KCNV2: variants seen among roughly 807,000 people sequenced by gnomAD.
The protein encoded by KCNV2 is potassium voltage-gated channel modifier subfamily V member 2, also known as potassium voltage-gated channel subfamily V member 2.
A neutral mutation model predicts 37.0 loss-of-function variants in KCNV2; 65 were observed. That is an observed-to-expected ratio of 1.76 (90% CI 1.44 to 2.16). The LOEUF (loss-of-function observed/expected upper bound fraction) is 2.16, where lower values mean the gene tolerates loss of function less well. Ranked by LOEUF, KCNV2 falls within the 30% of genes most tolerant of loss-of-function variation. The probability of loss-of-function intolerance (pLI) is 0.00; values close to 1 mark genes in which losing one functional copy is unlikely to be tolerated. For missense variants in KCNV2, 1,232 were observed against 766.7 expected (o/e 1.61, Z -7.17); for synonymous variants, 518 against 328.6 (o/e 1.58, Z -6.23).
intron 1 of KCNV2, among the ~76,000 whole-genome samples, chr9:2,721,452 G>C (rs1346776269): frequency 2.0e-5 from 3 of 152,122 alleles, no homozygotes; most frequent in African/African-American, 7.2e-5. Context: ...ATTCTCAATA[G>C]AGCAAAGAGA....
At chr9:2,729,325 G>T in intron 1 of KCNV2, 121 bp from the exon 2 acceptor site, 5 of 1,078,152 alleles carry the variant, frequency 4.6e-6, no homozygotes, top group Admixed American at 1.8e-5. Context: ...GGCTCCGTGG[G>T]AAGCCATTAC....
intron 1 of KCNV2, among the ~76,000 whole-genome samples, chr9:2,720,688 C>T (rs558395238): frequency 6.6e-6 from 1 of 152,320 alleles, no homozygotes; most frequent in East Asian, 1.9e-4. Flanking sequence ...AATTTCTATT[C>T]ATCTAAACAT....
At chr9:2,728,065 G>T (rs1179467048) in intron 1 of KCNV2, among the ~76,000 whole-genome samples, 1 of 152,100 alleles carries the variant, frequency 6.6e-6, no homozygotes, top group East Asian at 1.9e-4. Context: ...TTTTTCGTGG[G>T]CTGGATGGAG....
intron 1 of KCNV2, among the ~76,000 whole-genome samples, chr9:2,727,509 C>T (rs905105141): frequency 2.5e-4 from 38 of 152,270 alleles, no homozygotes; most frequent in African/African-American, 9.1e-4. Flanking sequence ...CCTCACATCA[C>T]CCCTTGGTCC....
At position 2,718,711 on chromosome 9, in the gene KCNV2, G is replaced by C; in HGVS notation, c.972G>C (p.Thr324=). ...AGTACCTGCTGCGCCTAGCCTCCACGCCCGACCTGAGGCGCTTCGCGCGCA... is the reference window on the plus strand; with the variant it reads ...AGTACCTGCTGCGCCTAGCCTCCACCCCCGACCTGAGGCGCTTCGCGCGCA... ...TLEYLLRLAS[T]PDLRRFARSA... The change falls in exon 1 of 2, where the codon ACG becomes ACC. Residue 324 remains threonine (T), a synonymous_variant. Coordinates refer to ENST00000382082, the MANE Select transcript of KCNV2 (RefSeq NM_133497.4). 6.2e-7 allele frequency: 1 copy of C among 1,613,028 alleles called. No individual in the cohort carries two copies. The highest frequency in any genetic ancestry group is 8.5e-7 in the Non-Finnish European group (1 of 1,179,846).
Position 2,729,565 on chromosome 9 carries a change from C to A in KCNV2, c.1476C>A (p.Leu492=). 6.2e-7 allele frequency: 1 copy of A among 1,614,116 alleles called. No homozygotes were observed. The highest frequency in any genetic ancestry group is 8.5e-7 in the Non-Finnish European group (1 of 1,180,016). The change falls in exon 2 of 2, where the codon CTC becomes CTA. Residue 492 remains leucine (L), a synonymous_variant. Coordinates refer to ENST00000382082, the MANE Select transcript of KCNV2 (RefSeq NM_133497.4). ...IILNGMPISI[L]YNKFSDYYSK... ...TCAACGGGATGCCCATTTCCATCCT[C>A]TACAACAAGTTTTCTGATTACTACA... is the stretch of plus-strand genomic sequence containing the variant.
In KCNV2 at chr9:2,717,932, G is replaced by T; in HGVS notation, c.193G>T (p.Asp65Tyr). The T allele has an allele frequency of 6.2e-7, 1 of 1,614,052 alleles. No homozygotes were observed. Among genetic ancestry groups the T allele is most frequent in the Admixed American group, 1.7e-5 (1 of 60,018 alleles). ...GGAAGACGAAGACGGCGAGGAGGAGGACCAGTGGAAGGACGACCTGGCAGA... is the reference window on the plus strand; with the variant it reads ...GGAAGACGAAGACGGCGAGGAGGAGTACCAGTGGAAGGACGACCTGGCAGA... ...IEEDEDGEEE[D>Y]QWKDDLAEED... The change falls in exon 1 of 2, where the codon GAC (aspartate) becomes TAC (tyrosine). Residue 65 changes from aspartate to tyrosine, a missense_variant. Coordinates refer to ENST00000382082, the MANE Select transcript of KCNV2 (RefSeq NM_133497.4).
intron 1 of KCNV2, 59 bp downstream of exon 1, chr9:2,719,154 C>G: frequency 6.3e-7 from 1 of 1,581,200 alleles, no homozygotes; most frequent in Non-Finnish European, 8.6e-7. Flanking sequence ...AGCTGCTCCT[C>G]CCTCCCCTGG....
Position 2,717,759 on chromosome 9 carries a change from G to A in KCNV2, c.20G>A (p.Arg7Lys), listed in dbSNP as rs370186140. Residue 7 changes from arginine to lysine, a missense_variant, in exon 1 of 2, where the codon AGG (arginine) becomes AAG (lysine). Arg to Lys is a conservative substitution (Grantham distance 26). Transcript: ENST00000382082. MLKQSE[R>K]RRSWSYRPWN... Reference sequence around the variant, plus strand: ...GCAGCCATGCTCAAACAGAGTGAGAGGAGACGGTCCTGGAGCTACAGGCCC... The same window carrying A: ...GCAGCCATGCTCAAACAGAGTGAGAAGAGACGGTCCTGGAGCTACAGGCCC... The A allele has an allele frequency of 1.1e-5, 17 of 1,614,086 alleles. No individual in the cohort carries two copies. Among genetic ancestry groups the A allele is most frequent in the African/African-American group, 2.7e-5 (2 of 74,936 alleles).
At chr9:2,723,207 G>T (rs1486290320) in intron 1 of KCNV2, among the ~76,000 whole-genome samples, 1 of 152,122 alleles carries the variant, frequency 6.6e-6, no homozygotes, top group Admixed American at 6.5e-5. Context: ...ATGAGATAAA[G>T]AAAAATATAA....
intron 1 of KCNV2, among the ~76,000 whole-genome samples, chr9:2,721,561 C>A (rs1212498356): frequency 6.6e-6 from 1 of 152,134 alleles, no homozygotes; most frequent in Non-Finnish European, 1.5e-5. Context: ...TGTCATATAA[C>A]CCACAAAAAT....
At position 2,717,723 on chromosome 9, in the gene KCNV2, G is replaced by A. The variant is rs887044941; in HGVS notation, c.-17G>A. The A allele has an allele frequency of 5.0e-6, 8 of 1,614,152 alleles. No individual in the cohort carries two copies. Among genetic ancestry groups the A allele is most frequent in the Admixed American group, 3.3e-5 (2 of 60,014 alleles). On this transcript the variant is annotated 5_prime_UTR_variant, in exon 1 of 2. Coordinates refer to ENST00000382082, the MANE Select transcript of KCNV2 (RefSeq NM_133497.4). ...CACAGCCAGGAGGAAAAAGCTAGGC[G>A]TCCACTTTCCGCAGCCATGCTCAAA... is the stretch of plus-strand genomic sequence containing the variant.
chr9:2,720,209 C>A (rs898268079), intron 1 of KCNV2, among the ~76,000 whole-genome samples: 1 of 152,214 alleles, frequency 6.6e-6, no homozygotes, highest in African/African-American at 2.4e-5. Flanking sequence ...AACCCAAGGC[C>A]ACTGACAGTG....
In KCNV2 at chr9:2,717,961, G is replaced by C. The variant is rs139063852; in HGVS notation, c.222G>C (p.Glu74Asp). Residue 74 changes from glutamate to aspartate, a missense_variant, in exon 1 of 2, where the codon GAG becomes GAC. By Grantham distance (45) the Glu-to-Asp change is conservative (BLOSUM62 2). Coordinates refer to ENST00000382082, the MANE Select transcript of KCNV2 (RefSeq NM_133497.4). Reference sequence around the variant, plus strand: ...AGTGGAAGGACGACCTGGCAGAAGAGGACCAGCAGGCAGGGGAGGTCACCA... The same window carrying C: ...AGTGGAAGGACGACCTGGCAGAAGACGACCAGCAGGCAGGGGAGGTCACCA... The part of the protein sequence containing the change: ...EDQWKDDLAE[E>D]DQQAGEVTTA... The C allele has an allele frequency of 1.5e-5, 25 of 1,614,184 alleles. No individual in the cohort carries two copies. Among genetic ancestry groups the C allele is most frequent in the Non-Finnish European group, 1.9e-5 (22 of 1,180,038 alleles).
intron 1 of KCNV2, among the ~76,000 whole-genome samples, chr9:2,726,514 G>C (rs1467980266): frequency 6.6e-6 from 1 of 152,050 alleles, no homozygotes. Flanking sequence ...TTTGGCTTAA[G>C]GGTGAAGCAA....
chr9:2,718,779 A>T lies in KCNV2; in HGVS notation c.1040A>T (p.Tyr347Phe), dbSNP rs530163400. Residue 347 changes from tyrosine to phenylalanine, a missense_variant, in exon 1 of 2, where the codon TAC (tyrosine) becomes TTC (phenylalanine). Transcript: ENST00000382082. ...GACCTGGTGGCCATCCTGCCGCTCT[A>T]CCTTCAGCTGCTGCTCGAGTGCTTC... ...LVDLVAILPL[Y>F]LQLLLECFTG... The T allele has an allele frequency of 3.3e-5, 53 of 1,611,088 alleles. No individual in the cohort carries two copies. In the African/African-American group the frequency reaches 6.3e-4, roughly 19 times the overall value.
chr9:2,721,586 C>G (rs1480574508), intron 1 of KCNV2, among the ~76,000 whole-genome samples: 1 of 152,180 alleles, frequency 6.6e-6, no homozygotes, highest in Non-Finnish European at 1.5e-5. Flanking sequence ...CTTATTCATT[C>G]ATTGAACAGT....
Position 2,718,192 on chromosome 9 carries a change from C to T in KCNV2, c.453C>T (p.Phe151=), listed in dbSNP as rs758516182. 1.2e-5 allele frequency: 20 copies of T among 1,613,260 alleles called. No homozygotes were observed. Among genetic ancestry groups the T allele is most frequent in the African/African-American group, 5.3e-5 (4 of 74,926 alleles). ...DYEEQTDEYF[F]DRDPAVFQLV... is the part of the protein sequence containing the mutation. ...AGGAGCAGACAGACGAATACTTCTT[C>T]GACCGCGACCCGGCCGTCTTCCAGC... The change falls in exon 1 of 2, where the codon TTC becomes TTT. Residue 151 remains phenylalanine, a synonymous_variant. Coordinates refer to ENST00000382082, the MANE Select transcript of KCNV2 (RefSeq NM_133497.4).
chr9:2,724,395 G>A (rs900152064), intron 1 of KCNV2, among the ~76,000 whole-genome samples: 8 of 152,102 alleles, frequency 5.3e-5, no homozygotes, highest in African/African-American at 1.9e-4. Flanking sequence ...ATACCAAGGT[G>A]AATATTTCAA....
Sources: gnomAD v4.1 joint callset for allele counts (sites outside exome capture counted in the v4.1 genomes callset) on GRCh38, gnomAD v4.1.1 for gene constraint, MANE v1.5 for transcripts, NCBI Gene and HGNC (gene_info 2026-07-23, HGNC 2026-07-21) for gene names.